Variants in MYO10 observed in about 807,000 individuals in gnomAD.
The protein encoded by MYO10 is myosin X.
Under a neutral mutation model 257.3 loss-of-function variants are expected in MYO10, and 133 were observed. The ratio of observed to expected loss-of-function variants is 0.52; its 90% CI spans 0.45 to 0.60. The LOEUF (loss-of-function observed/expected upper bound fraction) is 0.60, where lower values mean the gene tolerates loss of function less well. MYO10 is among the 20% of genes least tolerant of loss of function. MYO10 has a pLI of 0.00. For synonymous variants in MYO10, 1,104 were observed against 1,028.6 expected, an observed-to-expected ratio of 1.07 and a Z score of -1.40; for missense variants, 2,399 against 2,635.7, an observed-to-expected ratio of 0.91 and a Z score of 1.97.
At chr5:16,708,681 C>A (rs1738456728) in intron 21 of MYO10, among the ~76,000 whole-genome samples, 1 of 152,194 alleles carries the variant, frequency 6.6e-6, no homozygotes, top group Non-Finnish European at 1.5e-5. Flanking sequence ...CCCACTCTAG[C>A]CACGCGAGTA....
chr5:16,921,394 C>A (rs1410123546), intron 1 of MYO10, among the ~76,000 whole-genome samples: 1 of 151,998 alleles, frequency 6.6e-6, no homozygotes, highest in African/African-American at 2.4e-5. Context: ...CCAATGAAAG[C>A]CTTAGCGCAG....
chr5:16,758,301 G>T, intron 17 of MYO10, 75 bp from the exon 18 acceptor site: 2 of 1,012,444 alleles, frequency 2.0e-6, no homozygotes, highest in Non-Finnish European at 3.1e-6. Context: ...GTAATTAATG[G>T]TGCCCTTTCT....
intron 19 of MYO10, among the ~76,000 whole-genome samples, chr5:16,733,269 G>A (rs1297723368): frequency 6.6e-6 from 1 of 152,176 alleles, no homozygotes; most frequent in East Asian, 1.9e-4. Flanking sequence ...TATTAGTGGA[G>A]TGCTGGAAGG....
Position 16,764,241 on chromosome 5 carries a change from G to A in MYO10, c.1326+9C>T. On this transcript the variant is annotated intron_variant, in intron 12 of 40. Coordinates refer to ENST00000513610, the MANE Select transcript of MYO10 (RefSeq NM_012334.3). Reference sequence around the variant, plus strand: ...GAGAATTCACGTGCTGCACTGTTAGGAAACCTACCTCAAAGTTTTCAAATC... The same window carrying A: ...GAGAATTCACGTGCTGCACTGTTAGAAAACCTACCTCAAAGTTTTCAAATC... The A allele has an allele frequency of 6.2e-7, 1 of 1,613,848 alleles. No individual in the cohort carries two copies. The highest frequency in any genetic ancestry group is 8.5e-7 in the Non-Finnish European group (1 of 1,179,836).
intron 10 of MYO10, among the ~76,000 whole-genome samples, chr5:16,767,233 T>C (rs1309352044): frequency 6.8e-6 from 1 of 148,058 alleles, no homozygotes; most frequent in Non-Finnish European, 1.5e-5. Context: ...TGCAGTGGCA[T>C]GATCTCGGCT....
At chr5:16,712,065 C>G (rs1176957566) in intron 19 of MYO10, among the ~76,000 whole-genome samples, 1 of 120,522 alleles carries the variant, frequency 8.3e-6, no homozygotes, top group African/African-American at 3.2e-5. Context: ...CCTAAGAACA[C>G]AGTGACTTGG....
rs559720483 is a variant in MYO10, at chr5:16,859,090, T to C, written c.120+18519A>G. 2.0e-5 allele frequency among the ~76,000 whole-genome samples: 3 copies of C among 152,318 alleles called. No individual in the cohort carries two copies. In the East Asian group the frequency reaches 5.8e-4, roughly 29 times the overall value. ...CTCATCCAGCCCACAGTGGGGTCTTTTAAGCCAAGGAGGGCAGGGGTACCC... is the reference window on the plus strand; with the variant it reads ...CTCATCCAGCCCACAGTGGGGTCTTCTAAGCCAAGGAGGGCAGGGGTACCC... On this transcript the variant is annotated intron_variant, in intron 2 of 40. Coordinates refer to ENST00000513610, the MANE Select transcript of MYO10 (RefSeq NM_012334.3).
intron 19 of MYO10, among the ~76,000 whole-genome samples, chr5:16,720,541 C>T (rs1003914715): frequency 6.6e-6 from 1 of 152,130 alleles, no homozygotes; most frequent in African/African-American, 2.4e-5. Context: ...GCAACCTCTG[C>T]CTCCCAGGTT....
intron 2 of MYO10, among the ~76,000 whole-genome samples, chr5:16,851,951 T>G (rs1743816279): frequency 1.4e-5 from 2 of 145,122 alleles, no homozygotes; most frequent in Non-Finnish European, 3.0e-5. Context: ...CTCAGGAGGC[T>G]GAGACGGAAG....
At chr5:16,891,806 T>C (rs1232443127) in intron 1 of MYO10, among the ~76,000 whole-genome samples, 1 of 152,192 alleles carries the variant, frequency 6.6e-6, no homozygotes, top group Non-Finnish European at 1.5e-5. Context: ...GCACTAGTTT[T>C]TGTGGAGTTT....
intron 6 of MYO10, 53 bp from the exon 7 acceptor site, chr5:16,780,794 T>C (rs899359704): frequency 2.7e-6 from 4 of 1,507,592 alleles, no homozygotes; most frequent in African/African-American, 1.4e-5. Flanking sequence ...CTATGTGCCA[T>C]GCTCAACTAG....
intron 23 of MYO10, 132 bp from the exon 24 acceptor site, chr5:16,702,720 T>C: frequency 2.0e-6 from 2 of 979,648 alleles, no homozygotes; most frequent in Non-Finnish European, 3.0e-6. Context: ...CCTCTGGCCA[T>C]GGATTTATTC....
intron 1 of MYO10, among the ~76,000 whole-genome samples, chr5:16,911,560 C>T (rs928154033): frequency 6.6e-6 from 1 of 152,070 alleles, no homozygotes; most frequent in East Asian, 1.9e-4. Context: ...GCTGAAACCT[C>T]GTCTCTACAA....
intron 19 of MYO10, among the ~76,000 whole-genome samples, chr5:16,745,704 TAAAATTAA>T (rs1740174010): frequency 1.3e-5 from 2 of 152,032 alleles, no homozygotes; most frequent in African/African-American, 2.4e-5. Flanking sequence ...ATGAAAAAAT[TAAAATTAA>T]AAAATTAAAA....
At chr5:16,667,695 G>A (rs1161575904) in intron 40 of MYO10, among the ~76,000 whole-genome samples, 1 of 152,186 alleles carries the variant, frequency 6.6e-6, no homozygotes, top group Non-Finnish European at 1.5e-5. Flanking sequence ...AAACCAGGCA[G>A]CAGGTGATTC....
chr5:16,868,298 T>C (rs16869187), intron 2 of MYO10, among the ~76,000 whole-genome samples: 25,288 of 152,174 alleles, frequency 0.17, 2,254 homozygotes, highest in Admixed American at 0.22. Context: ...TGCAGAACCA[T>C]GGTGCTTTTA....
At chr5:16,913,344 G>A (rs186939947) in intron 1 of MYO10, among the ~76,000 whole-genome samples, 139 of 152,300 alleles carry the variant, frequency 9.1e-4, no homozygotes, top group African/African-American at 3.2e-3. Flanking sequence ...AGTTGGTAAT[G>A]CTAGAAGGAA....
intron 2 of MYO10, among the ~76,000 whole-genome samples, chr5:16,869,290 C>T (rs149059580): frequency 0.018 from 2,703 of 151,004 alleles, 49 homozygotes; most frequent in African/African-American, 0.048. Flanking sequence ...CCACCCACCT[C>T]GGCCTCCCAA....
chr5:16,704,719 G>T, intron 21 of MYO10, 34 bp from the exon 22 acceptor site: 1 of 1,547,564 alleles, frequency 6.5e-7, no homozygotes, highest in Non-Finnish European at 8.9e-7. Flanking sequence ...CAGAAGCAAA[G>T]AACATGGCCA....
Sources: gnomAD v4.1 joint callset for allele counts (sites outside exome capture counted in the v4.1 genomes callset) on GRCh38, gnomAD v4.1.1 for gene constraint, MANE v1.5 for transcripts, NCBI Gene and HGNC (gene_info 2026-07-23, HGNC 2026-07-21) for gene names.